Variants in LRMDA observed in about 807,000 individuals in gnomAD.
LRMDA encodes the protein leucine-rich melanocyte differentiation-associated protein.
A neutral mutation model predicts 29.8 loss-of-function variants in LRMDA; 18 were observed. That is an observed-to-expected ratio of 0.60 (90% CI 0.42 to 0.90). The LOEUF is 0.90. Among genes scored for constraint, LRMDA ranks in the 40% least tolerant of loss-of-function variants. The pLI is 0.00. For synonymous variants in LRMDA, 125 were observed against 109.4 expected, an observed-to-expected ratio of 1.14 and a Z score of -0.89; for missense variants, 273 against 273.9, an observed-to-expected ratio of 1.00 and a Z score of 0.02.
intron 2 of LRMDA, among the ~76,000 whole-genome samples, chr10:75,834,052 A>C (rs1844392163): frequency 6.6e-6 from 1 of 152,176 alleles, no homozygotes; most frequent in Non-Finnish European, 1.5e-5. Flanking sequence ...ATGTGTTTGC[A>C]GCTGAGTAGT....
intron 2 of LRMDA, among the ~76,000 whole-genome samples, chr10:76,002,957 G>T (rs1564627411): frequency 1.3e-5 from 2 of 152,154 alleles, no homozygotes; most frequent in Non-Finnish European, 2.9e-5. Flanking sequence ...ACAATCTGCA[G>T]TTTATTTATT....
rs866502266 is a variant in LRMDA at position 75,672,874 on chromosome 10, T to G, written c.131+234380T>G. 5.3e-5 allele frequency among the ~76,000 whole-genome samples: 8 copies of G among 151,584 alleles called. No homozygotes were observed. The South Asian group carries it at 1.7e-3, about 32-fold the overall frequency. Reference sequence around the variant, plus strand: ...GGCTTGAACCACTGCGCCCAACCCTTTGTATTGTTTCCTTCCACCGTTGGC... The same window carrying G: ...GGCTTGAACCACTGCGCCCAACCCTGTGTATTGTTTCCTTCCACCGTTGGC... On this transcript the variant is annotated intron_variant, in intron 2 of 6. Coordinates refer to ENST00000611255, the MANE Select transcript of LRMDA (RefSeq NM_001305581.2).
At chr10:76,257,681 T>G (rs934239978) in intron 5 of LRMDA, among the ~76,000 whole-genome samples, 4 of 152,214 alleles carry the variant, frequency 2.6e-5, no homozygotes, top group African/African-American at 9.6e-5. Flanking sequence ...GATAAAACAA[T>G]TCAAATTGCT....
chr10:75,475,265 T>A (rs1182810068), intron 2 of LRMDA, among the ~76,000 whole-genome samples: 1 of 152,152 alleles, frequency 6.6e-6, no homozygotes, highest in Non-Finnish European at 1.5e-5. Flanking sequence ...GGGGAGATGG[T>A]CCTCCTGTGA....
At chr10:75,866,662 A>C (rs1246903228) in intron 2 of LRMDA, among the ~76,000 whole-genome samples, 1 of 152,184 alleles carries the variant, frequency 6.6e-6, no homozygotes, top group East Asian at 1.9e-4. Context: ...GCCACTGCTG[A>C]GGATCTTGTT....
intron 5 of LRMDA, among the ~76,000 whole-genome samples, chr10:76,307,821 G>C (rs945197938): frequency 6.6e-6 from 1 of 152,178 alleles, no homozygotes; most frequent in African/African-American, 2.4e-5. Context: ...TTTCTGATGA[G>C]AAGTTTGAAC....
intron 6 of LRMDA, among the ~76,000 whole-genome samples, chr10:76,363,090 G>T (rs546249984): frequency 6.9e-6 from 1 of 145,606 alleles, no homozygotes; most frequent in East Asian, 2.0e-4. Flanking sequence ...CTAGCATTGT[G>T]CTAGAGGTTT....
chr10:76,356,508 A>AT (rs200177977), intron 6 of LRMDA, among the ~76,000 whole-genome samples: 68 of 151,638 alleles, frequency 4.5e-4, no homozygotes, highest in East Asian at 1.6e-3. Flanking sequence ...AGAAAACCGT[A>AT]TTTTTTTTTA....
intron 2 of LRMDA, chr10:75,743,471 A>G (rs1175232173): frequency 6.6e-6 from 1 of 152,034 alleles, no homozygotes; most frequent in East Asian, 1.9e-4. Context: ...TACAGTCTGC[A>G]TTTGTGGAAA....
intron 2 of LRMDA, among the ~76,000 whole-genome samples, chr10:75,589,439 C>A (rs1002000701): frequency 9.9e-5 from 15 of 152,002 alleles, no homozygotes; most frequent in African/African-American, 3.6e-4. Flanking sequence ...GCCCATTTTT[C>A]TTTGGGTTTT....
chr10:76,514,724 C>T (rs1318159705), intron 6 of LRMDA, among the ~76,000 whole-genome samples: 1 of 152,114 alleles, frequency 6.6e-6, no homozygotes, highest in African/African-American at 2.4e-5. Flanking sequence ...TGAAGGAGTG[C>T]AGCCTGAAAA....
intron 2 of LRMDA, among the ~76,000 whole-genome samples, chr10:75,537,556 G>A (rs1189295630): frequency 6.6e-6 from 1 of 152,214 alleles, no homozygotes; most frequent in Non-Finnish European, 1.5e-5. Context: ...ATCAAAGCCT[G>A]TATTGACTAC....
chr10:75,626,450 G>A (rs1841251117), intron 2 of LRMDA, among the ~76,000 whole-genome samples: 1 of 152,180 alleles, frequency 6.6e-6, no homozygotes, highest in African/African-American at 2.4e-5. Context: ...AACCAGGAAA[G>A]GGAGACTATG....
At chr10:75,551,083 T>G (rs1840137143) in intron 2 of LRMDA, among the ~76,000 whole-genome samples, 1 of 151,942 alleles carries the variant, frequency 6.6e-6, no homozygotes. Flanking sequence ...ACTTGATTAA[T>G]AGGAAAATGA....
intron 2 of LRMDA, among the ~76,000 whole-genome samples, chr10:75,909,773 G>A (rs1276598233): frequency 6.6e-6 from 1 of 152,194 alleles, no homozygotes; most frequent in Non-Finnish European, 1.5e-5. Flanking sequence ...ATAAAGGACT[G>A]TCATAAGCAT....
intron 2 of LRMDA, among the ~76,000 whole-genome samples, chr10:75,896,284 T>A (rs1453329508): frequency 1.3e-5 from 2 of 152,330 alleles, no homozygotes; most frequent in East Asian, 3.9e-4. Flanking sequence ...GGTAATTCAC[T>A]TAACCAATTT....
At chr10:75,724,560 A>G (rs918575107) in intron 2 of LRMDA, among the ~76,000 whole-genome samples, 21 of 152,138 alleles carry the variant, frequency 1.4e-4, no homozygotes, top group Admixed American at 2.0e-4. Context: ...GGCGTGGTGC[A>G]GGGGAGAAAG....
intron 6 of LRMDA, among the ~76,000 whole-genome samples, chr10:76,491,863 T>C (rs1842836900): frequency 6.6e-6 from 1 of 152,038 alleles, no homozygotes; most frequent in Non-Finnish European, 1.5e-5. Flanking sequence ...GCTTCATTAT[T>C]TTTTATTCTT....
At chr10:75,489,229 A>AG (rs1844954299) in intron 2 of LRMDA, among the ~76,000 whole-genome samples, 1 of 151,062 alleles carries the variant, frequency 6.6e-6, no homozygotes, top group African/African-American at 2.4e-5. Flanking sequence ...TTTTTAGTAA[A>AG]AAAAAAAAAA....
Sources: gnomAD v4.1 joint callset for allele counts (sites outside exome capture counted in the v4.1 genomes callset) on GRCh38, gnomAD v4.1.1 for gene constraint, MANE v1.5 for transcripts, NCBI Gene and HGNC (gene_info 2026-07-23, HGNC 2026-07-21) for gene names.